The following RAB3B variants were observed in gnomAD, a reference collection of about 807,000 sequenced individuals.
RAB3B encodes RAB3B, member RAS oncogene family.
In RAB3B, 11 loss-of-function variants were observed where a neutral mutation model predicts 20.5. The observed-to-expected ratio is 0.54, with a 90% CI of 0.34 to 0.89. RAB3B has a LOEUF of 0.89. Ranked by LOEUF, RAB3B falls within the 40% of genes least tolerant of loss-of-function variation. RAB3B has a pLI of 0.02. For synonymous variants in RAB3B, 99 were observed against 106.3 expected, an observed-to-expected ratio of 0.93 and a Z score of 0.42; for missense variants, 225 against 280.9, an observed-to-expected ratio of 0.80 and a Z score of 1.42.
At chr1:51,983,220 G>T (rs900775113) in intron 1 of RAB3B, among the ~76,000 whole-genome samples, 2 of 152,004 alleles carry the variant, frequency 1.3e-5, no homozygotes, top group African/African-American at 4.8e-5. Context: ...CAGGCATGGT[G>T]GCAGATACCT....
At chr1:51,926,849 C>G (rs1393943983) in intron 4 of RAB3B, among the ~76,000 whole-genome samples, 4 of 152,160 alleles carry the variant, frequency 2.6e-5, no homozygotes, top group African/African-American at 9.7e-5. Context: ...AAGTGTGGCA[C>G]AGCTCATTGT....
intron 3 of RAB3B, among the ~76,000 whole-genome samples, chr1:51,936,996 T>C (rs1684413172): frequency 6.6e-6 from 1 of 152,134 alleles, no homozygotes; most frequent in Non-Finnish European, 1.5e-5. Flanking sequence ...GTATTTTTAG[T>C]AGAGACGGGG....
rs1157434928 is a variant in RAB3B, at chr1:51,928,233, A to G, written c.472+5085T>C. On this transcript the variant is annotated intron_variant, in intron 4 of 4. Transcript: ENST00000371655. ...GCGATTCTCCTGCCTCAGCCTCTCG[A>G]GTAGCTGGGATTACAGGCATGCACC... is the stretch of plus-strand genomic sequence containing the variant. Among the ~76,000 whole-genome samples the G allele has an allele frequency of 2.0e-5, 3 of 152,008 alleles. No homozygotes were observed. In the East Asian group the frequency reaches 5.8e-4, roughly 29 times the overall value.
intron 2 of RAB3B, among the ~76,000 whole-genome samples, chr1:51,966,815 TCAGAGCCC>T (rs34308075): frequency 0.036 from 5,415 of 152,216 alleles, 179 homozygotes; most frequent in East Asian, 0.11. Flanking sequence ...CAGAGACTTG[TCAGAGCCC>T]CAGTTTCCCT....
At chr1:51,965,518 G>A (rs1464366681) in intron 2 of RAB3B, among the ~76,000 whole-genome samples, 8 of 151,644 alleles carry the variant, frequency 5.3e-5, no homozygotes, top group South Asian at 2.1e-4. Flanking sequence ...GCGGTGGGGG[G>A]CACGTGTAAT....
In RAB3B at chr1:51,975,136, C is replaced by T. The variant is rs114615303; in HGVS notation, c.228+1754G>A. Among the ~76,000 whole-genome samples the T allele has an allele frequency of 3.9e-3, 598 of 152,296 alleles. 2 individuals carry two copies. The highest frequency in any genetic ancestry group is 6.0e-3 in the Non-Finnish European group (408 of 68,032). ...GGCTGAAGCAACAGAATCGATTGAA[C>T]CCAAGAGGTGGAAATTGCAGTGAGC... On this transcript the variant is annotated intron_variant, in intron 2 of 4. Transcript: ENST00000371655.
chr1:51,956,655 C>G (rs1436219433), intron 2 of RAB3B, among the ~76,000 whole-genome samples: 1 of 152,194 alleles, frequency 6.6e-6, no homozygotes, highest in Non-Finnish European at 1.5e-5. Context: ...CTGGATCAGC[C>G]TTTTCCCCTT....
intron 2 of RAB3B, among the ~76,000 whole-genome samples, chr1:51,972,875 C>CCTTG (rs894617027): frequency 1.3e-5 from 2 of 152,170 alleles, no homozygotes; most frequent in East Asian, 1.9e-4. Flanking sequence ...TTACCCAAGT[C>CCTTG]CTTGCTTGCT....
chr1:51,966,119 C>T (rs1397482025), intron 2 of RAB3B, among the ~76,000 whole-genome samples: 1 of 152,214 alleles, frequency 6.6e-6, no homozygotes, highest in Non-Finnish European at 1.5e-5. Flanking sequence ...CAGAGCCTAG[C>T]ACAGCTAGGC....
In RAB3B at chr1:51,911,532, A is replaced by C. The variant is rs922910712; in HGVS notation, c.*8395T>G. ...AACCTAACTCCAACAAGCAAAGCAA[A>C]GGGGGGTTTTATTAGAAAGATACAT... On this transcript the variant is annotated 3_prime_UTR_variant, in exon 5 of 5. Transcript: ENST00000371655. The C allele has an allele frequency of 2.0e-5, 3 of 152,182 alleles. No homozygotes were observed. Among genetic ancestry groups the C allele is most frequent in the Non-Finnish European group, 4.4e-5 (3 of 68,044 alleles). 9.4% of individuals were successfully genotyped at this position (152,182 alleles called of 1,614,324 possible).
At chr1:51,937,466 A>AGCAGTT in intron 2 of RAB3B, 54 bp from the exon 3 acceptor site, 1 of 1,287,372 alleles carries the variant, frequency 7.8e-7, no homozygotes, top group African/African-American at 1.6e-5. Flanking sequence ...TTGGTTCCTA[A>AGCAGTT]AAAGTCCCCA....
At chr1:51,960,357 G>A (rs540013832) in intron 2 of RAB3B, among the ~76,000 whole-genome samples, 1 of 152,144 alleles carries the variant, frequency 6.6e-6, no homozygotes, top group South Asian at 2.1e-4. Context: ...AAGAGAGGGG[G>A]CACTGTATCC....
chr1:51,969,737 G>A (rs909648151), intron 2 of RAB3B, among the ~76,000 whole-genome samples: 2 of 152,086 alleles, frequency 1.3e-5, no homozygotes, highest in African/African-American at 4.8e-5. Flanking sequence ...TAAAAACTAC[G>A]ATTTGTTGAG....
At position 51,966,906 on chromosome 1, in the gene RAB3B, T is replaced by C. The variant is rs1179742433; in HGVS notation, c.228+9984A>G. Among the ~76,000 whole-genome samples, 7 of 152,110 alleles carry C rather than the reference T, an allele frequency of 4.6e-5. No individual in the cohort carries two copies. The East Asian group carries it at 1.2e-3, about 25-fold the overall frequency. The stretch of plus-strand genomic sequence containing the variant: ...TCTCCAGCTTACACTCAAGACGAGA[T>C]TGCACCTTCCTGAAGGTGGCAGGAA... On this transcript the variant is annotated intron_variant, in intron 2 of 4. Coordinates refer to ENST00000371655, the MANE Select transcript of RAB3B (RefSeq NM_002867.4).
intron 2 of RAB3B, among the ~76,000 whole-genome samples, chr1:51,971,744 T>C (rs1276241729): frequency 6.6e-6 from 1 of 152,172 alleles, no homozygotes; most frequent in Admixed American, 6.5e-5. Flanking sequence ...ACTATGTTTT[T>C]TCAATTTCAT....
chr1:51,933,533 T>A, intron 3 of RAB3B, 91 bp from the exon 4 acceptor site: 2 of 1,263,048 alleles, frequency 1.6e-6, no homozygotes, highest in South Asian at 1.4e-5. Flanking sequence ...TGAAGCCTAA[T>A]CCCCAATGTA....
At chr1:51,925,936 G>A (rs978513654) in intron 4 of RAB3B, among the ~76,000 whole-genome samples, 1 of 152,360 alleles carries the variant, frequency 6.6e-6, no homozygotes, top group South Asian at 2.1e-4. Context: ...AACCATGAGA[G>A]CAGGAGTCAC....
intron 1 of RAB3B, among the ~76,000 whole-genome samples, chr1:51,978,307 T>C (rs912939542): frequency 6.6e-6 from 1 of 152,168 alleles, no homozygotes; most frequent in Non-Finnish European, 1.5e-5. Context: ...ATCTGGAAAA[T>C]GGGGAGAACA....
rs146011770 is a variant in RAB3B at position 51,949,002 on chromosome 1, T to C, written c.229-11590A>G. Among the ~76,000 whole-genome samples, 225 of 152,312 alleles carry C rather than the reference T, an allele frequency of 1.5e-3. 4 individuals carry two copies. The East Asian group carries it at 0.041, about 28-fold the overall frequency. On this transcript the variant is annotated intron_variant, in intron 2 of 4. Coordinates refer to ENST00000371655, the MANE Select transcript of RAB3B (RefSeq NM_002867.4). ...AGCACACAGAATGTCAGATGGTCCT[T>C]TGGAAAAATCCAAACCTTCCCATCT...
Sources: gnomAD v4.1 joint callset for allele counts (sites outside exome capture counted in the v4.1 genomes callset) on GRCh38, gnomAD v4.1.1 for gene constraint, MANE v1.5 for transcripts, NCBI Gene and HGNC (gene_info 2026-07-23, HGNC 2026-07-21) for gene names.